Variants in SH3RF1 observed in about 807,000 individuals in gnomAD.
SH3RF1 encodes E3 ubiquitin-protein ligase SH3RF1.
A neutral mutation model predicts 74.0 loss-of-function variants in SH3RF1; 32 were observed. That is an observed-to-expected ratio of 0.43 (90% CI 0.33 to 0.58). The LOEUF (loss-of-function observed/expected upper bound fraction) is 0.58. SH3RF1 is among the 20% of genes least tolerant of loss of function. The pLI, the probability that SH3RF1 is intolerant of heterozygous loss-of-function variation, is 0.05. For synonymous variants in SH3RF1, 396 were observed against 439.6 expected (o/e 0.90, Z 1.24); for missense variants, 954 against 1,130.9 (o/e 0.84, Z 2.24).
chr4:169,184,112 G>T (rs1467587920), intron 2 of SH3RF1, among the ~76,000 whole-genome samples: 4 of 152,206 alleles, frequency 2.6e-5, no homozygotes, highest in South Asian at 2.1e-4. Flanking sequence ...TGCATGGACT[G>T]CTCTGAAGGT....
At chr4:169,202,592 A>T (rs1734929049) in intron 2 of SH3RF1, among the ~76,000 whole-genome samples, 1 of 152,218 alleles carries the variant, frequency 6.6e-6, no homozygotes, top group Admixed American at 6.5e-5. Flanking sequence ...AATTGTCTGA[A>T]CCTCTGAAAA....
chr4:169,155,468 A>C lies in SH3RF1; in HGVS notation c.765+12T>G. 1 of 1,584,820 alleles carries C rather than the reference A, an allele frequency of 6.3e-7. No individual in the cohort carries two copies. Among genetic ancestry groups the C allele is most frequent in the Non-Finnish European group, 8.7e-7 (1 of 1,153,760 alleles). On this transcript the variant is annotated intron_variant, in intron 4 of 11. Coordinates refer to ENST00000284637, the MANE Select transcript of SH3RF1 (RefSeq NM_020870.4). ...ATATTAACACAGTTCAAGTTTCTAC[A>C]GATTAATTTACCTCAACATATGAAA...
intron 2 of SH3RF1, among the ~76,000 whole-genome samples, chr4:169,180,185 C>G (rs1734484222): frequency 6.6e-6 from 1 of 152,198 alleles, no homozygotes; most frequent in Non-Finnish European, 1.5e-5. Flanking sequence ...CTGATTCTTT[C>G]CTTTCCAATT....
chr4:169,138,968 G>A (rs189868144), intron 4 of SH3RF1, among the ~76,000 whole-genome samples: 93 of 152,202 alleles, frequency 6.1e-4, no homozygotes, highest in African/African-American at 2.0e-3. Flanking sequence ...TGGGGGGACT[G>A]GGGGGAAAGG....
intron 2 of SH3RF1, among the ~76,000 whole-genome samples, chr4:169,194,584 T>C (rs1234772744): frequency 6.6e-6 from 1 of 152,250 alleles, no homozygotes; most frequent in Non-Finnish European, 1.5e-5. Context: ...TATTCCACTA[T>C]ACAAATATAA....
intron 11 of SH3RF1, among the ~76,000 whole-genome samples, chr4:169,099,766 C>T (rs571560341): frequency 1.1e-4 from 17 of 152,256 alleles, no homozygotes; most frequent in African/African-American, 4.1e-4. Context: ...ACTAGAACTG[C>T]TGCTGGGCTA....
At chr4:169,144,402 G>T (rs192025309) in intron 4 of SH3RF1, among the ~76,000 whole-genome samples, 3 of 152,286 alleles carry the variant, frequency 2.0e-5, no homozygotes, top group Admixed American at 6.5e-5. Context: ...AGACTTCTGT[G>T]TTGGGAATAG....
intron 2 of SH3RF1, among the ~76,000 whole-genome samples, chr4:169,234,201 T>C (rs1464661407): frequency 6.6e-6 from 1 of 152,126 alleles, no homozygotes; most frequent in Non-Finnish European, 1.5e-5. Context: ...TTTTTTTAAA[T>C]TGTCCCACTT....
intron 2 of SH3RF1, among the ~76,000 whole-genome samples, chr4:169,260,152 C>T (rs1731254673): frequency 6.6e-6 from 1 of 152,128 alleles, no homozygotes; most frequent in Non-Finnish European, 1.5e-5. Flanking sequence ...GAGAAAAGAC[C>T]ACAGGCAACA....
At chr4:169,215,862 G>A (rs1343142460) in intron 2 of SH3RF1, among the ~76,000 whole-genome samples, 3 of 151,916 alleles carry the variant, frequency 2.0e-5, no homozygotes, top group South Asian at 4.2e-4. Flanking sequence ...GGGGTGCAGT[G>A]GTGCAATCAT....
At chr4:169,238,430 T>G (rs144091276) in intron 2 of SH3RF1, among the ~76,000 whole-genome samples, 1 of 152,204 alleles carries the variant, frequency 6.6e-6, no homozygotes, top group Middle Eastern at 3.2e-3. Flanking sequence ...GCCCTCTTAA[T>G]TTACCATTAC....
chr4:169,123,574 A>C (rs1319166361), intron 6 of SH3RF1, among the ~76,000 whole-genome samples: 1 of 152,194 alleles, frequency 6.6e-6, no homozygotes, highest in African/African-American at 2.4e-5. Flanking sequence ...TCACATTCTC[A>C]ATTCAAAATA....
At chr4:169,262,527 C>T (rs1470492087) in intron 2 of SH3RF1, among the ~76,000 whole-genome samples, 2 of 152,046 alleles carry the variant, frequency 1.3e-5, no homozygotes, top group Non-Finnish European at 2.9e-5. Context: ...ATTAGCCAGG[C>T]ATGGCGGTAG....
Position 169,095,415 on chromosome 4 carries a change from C to T in SH3RF1, c.*1104G>A, listed in dbSNP as rs1471678490. ...ACAAACTCATCTTAACAGGAAATCG[C>T]AATGAAATATACACACCATGCACAG... On this transcript the variant is annotated 3_prime_UTR_variant, in exon 12 of 12. Transcript: ENST00000284637. 2 of 152,660 alleles carry T rather than the reference C, an allele frequency of 1.3e-5. No individual in the cohort carries two copies. Among genetic ancestry groups the T allele is most frequent in the African/African-American group, 4.8e-5 (2 of 41,522 alleles). 9.5% of individuals were successfully genotyped at this position (152,660 alleles called of 1,614,324 possible). A position where few individuals can be genotyped will look rare whatever the true frequency, so the allele number is the denominator to read the frequency against.
chr4:169,173,757 T>C (rs1216475288), intron 2 of SH3RF1, among the ~76,000 whole-genome samples: 1 of 152,176 alleles, frequency 6.6e-6, no homozygotes, highest in Admixed American at 6.5e-5. Context: ...AGCTACCTTT[T>C]TTTTTAATAA....
At chr4:169,121,853 C>T (rs549628856) in intron 7 of SH3RF1, among the ~76,000 whole-genome samples, 1 of 152,168 alleles carries the variant, frequency 6.6e-6, no homozygotes. Flanking sequence ...AAAGTTCAAA[C>T]AGGAGTTGTA....
chr4:169,240,282 A>G (rs887762501), intron 2 of SH3RF1, among the ~76,000 whole-genome samples: 8 of 151,790 alleles, frequency 5.3e-5, no homozygotes, highest in African/African-American at 1.9e-4. Context: ...CTGAGCCTCA[A>G]CCTCCTGGGC....
intron 2 of SH3RF1, among the ~76,000 whole-genome samples, chr4:169,241,760 T>A (rs756816596): frequency 5.9e-5 from 9 of 152,214 alleles, no homozygotes; most frequent in South Asian, 2.1e-4. Flanking sequence ...TGCAGCATGG[T>A]TACTGAGATA....
At chr4:169,142,462 CT>C (rs1733803031) in intron 4 of SH3RF1, among the ~76,000 whole-genome samples, 1 of 152,082 alleles carries the variant, frequency 6.6e-6, no homozygotes, top group Non-Finnish European at 1.5e-5. Context: ...TTTTTTCCTA[CT>C]TTTTAAAATG....
Sources: gnomAD v4.1 joint callset for allele counts (sites outside exome capture counted in the v4.1 genomes callset) on GRCh38, gnomAD v4.1.1 for gene constraint, MANE v1.5 for transcripts, NCBI Gene and HGNC (gene_info 2026-07-23, HGNC 2026-07-21) for gene names.